Variants in RPS6KA6 observed in about 807,000 individuals in gnomAD.
RPS6KA6 encodes the protein ribosomal protein S6 kinase alpha-6.
A neutral mutation model predicts 65.4 loss-of-function variants in RPS6KA6; 27 were observed. The observed-to-expected ratio is 0.41, with a 90% CI of 0.30 to 0.57. The LOEUF is 0.57. RPS6KA6 is among the 20% of genes least tolerant of loss of function. The pLI, the probability that RPS6KA6 is intolerant of heterozygous loss-of-function variation, is 0.24. For missense variants in RPS6KA6, 486 were observed against 555.6 expected, an observed-to-expected ratio of 0.87 and a Z score of 1.26; for synonymous variants, 190 against 184.2, an observed-to-expected ratio of 1.03 and a Z score of -0.26.
intron 17 of RPS6KA6, 83 bp from the exon 18 acceptor site, chrX:84,102,281 C>T: frequency 1.9e-6 from 1 of 518,382 alleles, no homozygotes; most frequent in Non-Finnish European, 2.7e-6. Flanking sequence ...ATATAATTAA[C>T]TAAATATCTG....
intron 1 of RPS6KA6, chrX:84,187,256 C>G (rs936841342): frequency 3.6e-5 from 4 of 111,606 alleles, no homozygotes; most frequent in African/African-American, 1.3e-4. Flanking sequence ...CAGTGTATCT[C>G]GACATGGGTC....
intron 1 of RPS6KA6, among the ~76,000 whole-genome samples, chrX:84,177,064 C>T (rs977193166): frequency 1.8e-5 from 2 of 110,121 alleles, no homozygotes; most frequent in East Asian, 2.9e-4. Flanking sequence ...GAAATGAATA[C>T]GAAAAAAAGA....
chrX:84,151,065 GGATA>G (rs1424134058), intron 3 of RPS6KA6, among the ~76,000 whole-genome samples: 7 of 96,750 alleles, frequency 7.2e-5, no homozygotes, highest in Non-Finnish European at 1.2e-4. Flanking sequence ...GATATATAGA[GGATA>G]GATATATAGA....
At chrX:84,133,538 A>C (rs1418356688) in intron 8 of RPS6KA6, among the ~76,000 whole-genome samples, 1 of 111,351 alleles carries the variant, frequency 9.0e-6, no homozygotes, top group East Asian at 2.8e-4. Context: ...AATTAAAATG[A>C]GAACACTAAA....
rs147101864 is a variant in RPS6KA6, at chrX:84,083,688, G to A, written c.1971+12506C>T. On this transcript the variant is annotated intron_variant, in intron 20 of 21. Transcript: ENST00000262752. ...ATAGTGCTGCAGTGAACATATGTACGCATGTATCTTTATAAGAGAATTATT... is the reference window on the plus strand; with the variant it reads ...ATAGTGCTGCAGTGAACATATGTACACATGTATCTTTATAAGAGAATTATT... Among the ~76,000 whole-genome samples the A allele has an allele frequency of 9.1e-3, 1,018 of 111,974 alleles. 15 individuals are homozygous for A. The highest frequency in any genetic ancestry group is 0.032 in the African/African-American group (976 of 30,823).
intron 17 of RPS6KA6, among the ~76,000 whole-genome samples, chrX:84,104,097 T>C (rs2034308949): frequency 1.8e-5 from 2 of 110,861 alleles, no homozygotes; most frequent in Non-Finnish European, 3.8e-5. Flanking sequence ...ACACATTTCT[T>C]ACTGTATTTA....
chrX:84,167,298 C>T lies in RPS6KA6; in HGVS notation c.82-2911G>A, dbSNP rs1012617008. On this transcript the variant is annotated intron_variant, in intron 1 of 21. Coordinates refer to ENST00000262752, the MANE Select transcript of RPS6KA6 (RefSeq NM_014496.5). ...ATTTATCATTGTCATAAATTGGAAA[C>T]AATCAAGATGGTCTTCAACTGATGA... Among the ~76,000 whole-genome samples the T allele has an allele frequency of 5.4e-5, 6 of 111,909 alleles. No homozygotes were observed. In the Admixed American group the frequency reaches 5.7e-4, roughly 11 times the overall value.
chrX:84,116,164 A>C (rs2034560715), intron 12 of RPS6KA6, 65 bp downstream of exon 12: 1 of 611,484 alleles, frequency 1.6e-6, no homozygotes, highest in African/African-American at 2.3e-5. Context: ...TAAAAGCAAT[A>C]AATCTTTAAT....
intron 20 of RPS6KA6, among the ~76,000 whole-genome samples, chrX:84,085,274 T>G (rs1368925585): frequency 8.9e-6 from 1 of 111,741 alleles, no homozygotes; most frequent in African/African-American, 3.3e-5. Context: ...GTCTTGTGCC[T>G]GTTTTCAAGG....
intron 20 of RPS6KA6, among the ~76,000 whole-genome samples, chrX:84,077,466 T>C (rs1434120972): frequency 9.0e-6 from 1 of 111,550 alleles, no homozygotes; most frequent in East Asian, 2.8e-4. Context: ...ACCATGGATA[T>C]TTGGACAATT....
At chrX:84,092,767 T>C (rs1011174478) in intron 20 of RPS6KA6, among the ~76,000 whole-genome samples, 8 of 111,692 alleles carry the variant, frequency 7.2e-5, no homozygotes, top group African/African-American at 2.6e-4. Context: ...ACAGCCATTA[T>C]GGAAAACAGT....
rs1303712585 is a variant in RPS6KA6, at chrX:84,077,941, C to G, written c.1972-12830G>C. On this transcript the variant is annotated intron_variant, in intron 20 of 21. Transcript: ENST00000262752. ...AGTCAAACCATCATAAGTTGGGAAA[C>G]CTCTGTATTTGAAATCTTGCATAAG... Among the ~76,000 whole-genome samples the G allele has an allele frequency of 7.1e-5, 8 of 112,373 alleles. No homozygotes were observed. The South Asian group carries it at 2.2e-3, about 31-fold the overall frequency.
At chrX:84,180,687 C>T (rs2035838369) in intron 1 of RPS6KA6, among the ~76,000 whole-genome samples, 1 of 111,821 alleles carries the variant, frequency 8.9e-6, no homozygotes, top group African/African-American at 3.2e-5. Context: ...AACAGACTTG[C>T]TGGGATTTTG....
intron 20 of RPS6KA6, among the ~76,000 whole-genome samples, chrX:84,073,729 C>CTT (rs1004406855): frequency 9.4e-6 from 1 of 106,231 alleles, no homozygotes; most frequent in Admixed American, 1.0e-4. Context: ...TCTAAATAGA[C>CTT]TTTTTTTTTT....
At chrX:84,119,116 T>C (rs2034621952) in intron 9 of RPS6KA6, among the ~76,000 whole-genome samples, 3 of 111,992 alleles carry the variant, frequency 2.7e-5, no homozygotes, top group Admixed American at 9.5e-5. Context: ...AAATCTTCCC[T>C]GAACTCCTAA....
intron 20 of RPS6KA6, among the ~76,000 whole-genome samples, chrX:84,065,679 A>T (rs1289533629): frequency 8.9e-6 from 1 of 112,089 alleles, no homozygotes; most frequent in Non-Finnish European, 1.9e-5. Flanking sequence ...TCTCTGTTGC[A>T]ATTAAAAAAG....
At chrX:84,165,622 T>G (rs2035585904) in intron 1 of RPS6KA6, among the ~76,000 whole-genome samples, 1 of 111,118 alleles carries the variant, frequency 9.0e-6, no homozygotes, top group Non-Finnish European at 1.9e-5. Context: ...CCTGTAAACA[T>G]AAGGAGAATC....
Position 84,143,004 on chromosome X carries a change from C to A in RPS6KA6, c.501+2474G>T, listed in dbSNP as rs146295236. On this transcript the variant is annotated intron_variant, in intron 6 of 21. Coordinates refer to ENST00000262752, the MANE Select transcript of RPS6KA6 (RefSeq NM_014496.5). ...CTATGGAGTCAGAATTACTCTAATA[C>A]CAAAAATAGACATAATAATACAAGA... 9.3e-3 allele frequency among the ~76,000 whole-genome samples: 1,022 copies of A among 110,399 alleles called. 7 individuals carry two copies. Among genetic ancestry groups the A allele is most frequent in the Non-Finnish European group, 0.015 (778 of 52,482 alleles).
chrX:84,096,051 T>C, intron 20 of RPS6KA6, 143 bp downstream of exon 20: 1 of 454,803 alleles, frequency 2.2e-6, no homozygotes, highest in African/African-American at 2.5e-5. Flanking sequence ...CTTTGTACAC[T>C]GTTCAATTCA....
Sources: gnomAD v4.1 joint callset for allele counts (sites outside exome capture counted in the v4.1 genomes callset) on GRCh38, gnomAD v4.1.1 for gene constraint, MANE v1.5 for transcripts, NCBI Gene and HGNC (gene_info 2026-07-23, HGNC 2026-07-21) for gene names.